The following KCNU1 variants were observed in gnomAD, a reference collection of about 807,000 sequenced individuals.
The protein encoded by KCNU1 is potassium calcium-activated channel subfamily U member 1, also known as potassium channel subfamily U member 1.
In KCNU1, 93 loss-of-function variants were observed where a neutral mutation model predicts 126.8. The observed-to-expected ratio is 0.73, with a 90% CI of 0.62 to 0.87. The LOEUF is 0.87. Among genes scored for constraint, KCNU1 ranks in the 40% least tolerant of loss-of-function variants. KCNU1 has a pLI of 0.00. For synonymous variants in KCNU1, 523 were observed against 494.2 expected, an observed-to-expected ratio of 1.06 and a Z score of -0.77; for missense variants, 1,330 against 1,367.1, an observed-to-expected ratio of 0.97 and a Z score of 0.43.
intron 19 of KCNU1, among the ~76,000 whole-genome samples, chr8:36,886,571 G>A (rs887156741): frequency 7.2e-5 from 11 of 152,114 alleles, no homozygotes; most frequent in Admixed American, 2.6e-4. Context: ...CAAAACAAAC[G>A]TATTCAACAG....
At chr8:36,873,473 G>T (rs889381085) in intron 19 of KCNU1, among the ~76,000 whole-genome samples, 1 of 152,104 alleles carries the variant, frequency 6.6e-6, no homozygotes, top group Non-Finnish European at 1.5e-5. Context: ...TATATTATTG[G>T]CTTTTATACA....
At chr8:36,881,926 A>T (rs1386830262) in intron 19 of KCNU1, among the ~76,000 whole-genome samples, 1 of 151,948 alleles carries the variant, frequency 6.6e-6, no homozygotes, top group Non-Finnish European at 1.5e-5. Flanking sequence ...CTTCTCTCCT[A>T]TAAAGCTCTG....
chr8:36,900,773 C>T (rs1405427800), intron 19 of KCNU1, among the ~76,000 whole-genome samples: 1 of 152,176 alleles, frequency 6.6e-6, no homozygotes, highest in Non-Finnish European at 1.5e-5. Flanking sequence ...TTGGCTAGAA[C>T]TTGACTATTA....
Position 36,845,591 on chromosome 8 carries a change from T to C in KCNU1, c.1715T>C (p.Leu572Pro), listed in dbSNP as rs202100163. ...TTTTTTGTTTCCAGTGGTCTGATAC[T>C]AAATCCACCTCCACAAGTGAGGATA... Reference protein sequence around the residue: ...LFTDGFCGLILNPPPQVRIRK... With the variant: ...LFTDGFCGLIPNPPPQVRIRK... The change falls in exon 17 of 27, where the codon CTA becomes CCA. Residue 572 changes from leucine (L) to proline (P), a missense_variant. This residue lies in a region of KCNU1 where 1,054 missense variants were observed against 1,053.9 expected (regional missense o/e 1.00). Transcript: ENST00000399881. 2.3e-4 allele frequency: 365 copies of C among 1,604,336 alleles called. No individual in the cohort carries two copies. The highest frequency in any genetic ancestry group is 5.7e-5 in the Non-Finnish European group (67 of 1,171,890).
intron 7 of KCNU1, among the ~76,000 whole-genome samples, chr8:36,810,125 G>C (rs187164368): frequency 6.6e-6 from 1 of 152,104 alleles, no homozygotes; most frequent in Admixed American, 6.5e-5. Flanking sequence ...GGTGGCATGC[G>C]TCTGTAGTTC....
chr8:36,790,246 A>T (rs1402814070), intron 2 of KCNU1, among the ~76,000 whole-genome samples: 1 of 152,236 alleles, frequency 6.6e-6, no homozygotes, highest in African/African-American at 2.4e-5. Flanking sequence ...CATCATTAAC[A>T]TCACTGCACC....
At chr8:36,844,417 A>G (rs1055387722) in intron 16 of KCNU1, among the ~76,000 whole-genome samples, 1 of 152,116 alleles carries the variant, frequency 6.6e-6, no homozygotes, top group Non-Finnish European at 1.5e-5. Flanking sequence ...GTAAGACACA[A>G]CTAAGCATGC....
At chr8:36,826,491 T>C (rs886772386) in intron 10 of KCNU1, among the ~76,000 whole-genome samples, 3 of 152,322 alleles carry the variant, frequency 2.0e-5, no homozygotes, top group Admixed American at 1.3e-4. Context: ...ATTACAGGTG[T>C]GAGCCACTGC....
chr8:36,787,270 C>T, intron 1 of KCNU1, 36 bp from the exon 2 acceptor site: 1 of 1,567,342 alleles, frequency 6.4e-7, no homozygotes, highest in Non-Finnish European at 8.7e-7. Flanking sequence ...CTCTCAGATC[C>T]AGCTCACATT....
chr8:36,789,945 T>G (rs914016380), intron 2 of KCNU1, among the ~76,000 whole-genome samples: 4 of 152,060 alleles, frequency 2.6e-5, no homozygotes, highest in Non-Finnish European at 4.4e-5. Flanking sequence ...GACTGGAAAA[T>G]GGCACAGTGT....
intron 3 of KCNU1, 118 bp downstream of exon 3, chr8:36,804,206 C>A: frequency 1.4e-6 from 1 of 690,330 alleles, no homozygotes; most frequent in Non-Finnish European, 2.5e-6. Context: ...CACGCACACA[C>A]ACAAACTCAT....
At position 36,926,890 on chromosome 8, in the gene KCNU1, G is replaced by A. The variant is rs73676542; in HGVS notation, c.2737-4061G>A. Among the ~76,000 whole-genome samples, 1,340 of 152,192 alleles carry A rather than the reference G, an allele frequency of 8.8e-3. 19 individuals are homozygous for A. Among genetic ancestry groups the A allele is most frequent in the African/African-American group, 0.031 (1,280 of 41,530 alleles). On this transcript the variant is annotated intron_variant, in intron 24 of 26. Transcript: ENST00000399881. ...GCTAAGAGCAGATGCATTCAGGACA[G>A]GCTCCCTGAATGTATCTGCTAATGC...
At chr8:36,837,905 TTCCTC>T (rs3085737) in intron 14 of KCNU1, among the ~76,000 whole-genome samples, 30,509 of 152,050 alleles carry the variant, frequency 0.2, 3,329 homozygotes, top group Admixed American at 0.32. Flanking sequence ...TGCTCGCTCT[TTCCTC>T]TGTTCTCTTT....
At chr8:36,894,507 C>T (rs561344682) in intron 19 of KCNU1, among the ~76,000 whole-genome samples, 2 of 152,116 alleles carry the variant, frequency 1.3e-5, no homozygotes, top group Non-Finnish European at 2.9e-5. Flanking sequence ...GCAAAAATCA[C>T]TGCTGGAAGA....
chr8:36,815,806 A>T, intron 9 of KCNU1, 119 bp downstream of exon 9: 1 of 615,574 alleles, frequency 1.6e-6, no homozygotes, highest in Non-Finnish European at 2.9e-6. Flanking sequence ...TATCAGCAAC[A>T]TCCCGTATTC....
intron 19 of KCNU1, chr8:36,888,801 CAGAA>C (rs755129802): frequency 1.3e-5 from 7 of 524,320 alleles, no homozygotes; most frequent in East Asian, 1.1e-4. Context: ...GAACAGAGAC[CAGAA>C]AGAGTGAAAC....
At chr8:36,895,755 A>T (rs989961704) in intron 19 of KCNU1, among the ~76,000 whole-genome samples, 4 of 152,156 alleles carry the variant, frequency 2.6e-5, no homozygotes, top group Non-Finnish European at 4.4e-5. Flanking sequence ...TGCTAAAAAA[A>T]TTCTATATTT....
intron 19 of KCNU1, 108 bp downstream of exon 19, chr8:36,864,629 C>G (rs1441708002): frequency 1.5e-6 from 1 of 682,912 alleles, no homozygotes; most frequent in South Asian, 1.7e-5. Flanking sequence ...CTATACTGAC[C>G]AATGGAATTG....
At chr8:36,915,235 T>C (rs1007205370) in intron 22 of KCNU1, among the ~76,000 whole-genome samples, 1 of 152,226 alleles carries the variant, frequency 6.6e-6, no homozygotes, top group African/African-American at 2.4e-5. Context: ...GATTTCAATA[T>C]GTTATTGAAA....
Sources: gnomAD v4.1 joint callset for allele counts (sites outside exome capture counted in the v4.1 genomes callset) on GRCh38, gnomAD v4.1.1 for gene constraint, gnomAD v4.1.1 regional missense constraint, MANE v1.5 for transcripts, NCBI Gene and HGNC (gene_info 2026-07-23, HGNC 2026-07-21) for gene names.